The following SDK2 variants were observed in gnomAD, a reference collection of about 807,000 sequenced individuals.
SDK2 encodes the protein sidekick cell adhesion molecule 2, also known as protein sidekick-2.
A neutral mutation model predicts 253.9 loss-of-function variants in SDK2; 105 were observed. The ratio of observed to expected loss-of-function variants is 0.41; its 90% CI spans 0.35 to 0.49. The LOEUF is 0.49. SDK2 is among the 20% of genes least tolerant of loss of function. The pLI is 0.06. For synonymous variants in SDK2, 1,249 were observed against 1,234.9 expected, an observed-to-expected ratio of 1.01 and a Z score of -0.24; for missense variants, 2,608 against 3,003.0, an observed-to-expected ratio of 0.87 and a Z score of 3.07.
intron 6 of SDK2, among the ~76,000 whole-genome samples, chr17:73,440,160 T>G (rs918250635): frequency 6.7e-6 from 1 of 149,000 alleles, no homozygotes; most frequent in Non-Finnish European, 1.5e-5. Context: ...CAGGCTGGAG[T>G]GCAATGGTGC....
Position 73,388,796 on chromosome 17 carries a change from C to CTCTCCT in SDK2, c.4193-760_4193-759insAGGAGA, listed in dbSNP as rs1332809496. ...TCTCCTTCCTTCCTTCCTTCCCTCC[C>CTCTCCT]TCCTTCCTTCCTTCCCTCCCTCTCC... is the stretch of plus-strand genomic sequence containing the variant. On this transcript the variant is annotated intron_variant, in intron 29 of 44. Coordinates refer to ENST00000392650, the MANE Select transcript of SDK2 (RefSeq NM_001144952.2). 8.4e-5 allele frequency among the ~76,000 whole-genome samples: 5 copies of CTCTCCT among 59,610 alleles called. No homozygotes were observed. The East Asian group carries it at 2.8e-3, about 33-fold the overall frequency. 39.1% of individuals were successfully genotyped at this position (59,610 alleles called of 152,430 possible). A position where few individuals can be genotyped will look rare whatever the true frequency, so the allele number is the denominator to read the frequency against.
intron 1 of SDK2, among the ~76,000 whole-genome samples, chr17:73,599,795 C>T (rs2045811946): frequency 6.6e-6 from 1 of 152,190 alleles, no homozygotes; most frequent in African/African-American, 2.4e-5. Flanking sequence ...CCAGGCCCAA[C>T]CTGTTCCCCA....
chr17:73,627,320 C>T (rs893644063), intron 1 of SDK2, among the ~76,000 whole-genome samples: 9 of 151,696 alleles, frequency 5.9e-5, no homozygotes, highest in East Asian at 1.9e-4. Flanking sequence ...TCTTTCTTGG[C>T]GGCACATAAA....
chr17:73,480,903 T>C (rs2063718803), intron 2 of SDK2, among the ~76,000 whole-genome samples: 1 of 152,086 alleles, frequency 6.6e-6, no homozygotes, highest in Non-Finnish European at 1.5e-5. Flanking sequence ...GGAACAGCAA[T>C]GTCTGTTTTT....
At chr17:73,423,242 G>T in intron 14 of SDK2, 144 bp downstream of exon 14, 1 of 725,032 alleles carries the variant, frequency 1.4e-6, no homozygotes, top group Non-Finnish European at 2.0e-6. Flanking sequence ...TTCCTTCAGA[G>T]ATGGGAACGC....
At chr17:73,622,592 C>A (rs2046147180) in intron 1 of SDK2, among the ~76,000 whole-genome samples, 1 of 152,222 alleles carries the variant, frequency 6.6e-6, no homozygotes, top group African/African-American at 2.4e-5. Flanking sequence ...AATCCACCCA[C>A]TGCCTCACTT....
intron 15 of SDK2, among the ~76,000 whole-genome samples, chr17:73,420,482 C>G (rs1375637577): frequency 6.6e-6 from 1 of 151,650 alleles, no homozygotes; most frequent in Non-Finnish European, 1.5e-5. Context: ...GGGTGCCTGC[C>G]ACCAGGGCTG....
At position 73,422,187 on chromosome 17, in the gene SDK2, G is replaced by A. The variant is rs963260844; in HGVS notation, c.2045+100C>T. 6.7e-6 allele frequency: 9 copies of A among 1,342,078 alleles called. No individual in the cohort carries two copies. In the African/African-American group the frequency reaches 1.0e-4, roughly 15 times the overall value. 83.1% of individuals were successfully genotyped at this position (1,342,078 alleles called of 1,614,324 possible). A position where few individuals can be genotyped will look rare whatever the true frequency, so the allele number is the denominator to read the frequency against. On this transcript the variant is annotated intron_variant, in intron 15 of 44. Coordinates refer to ENST00000392650, the MANE Select transcript of SDK2 (RefSeq NM_001144952.2). ...CTACAGAGGCGGAAGCCTAGAGGGG[G>A]CCAGGAGGAGCTGAGCCAGAATCTG...
At chr17:73,631,128 GC>G (rs1211092436) in intron 1 of SDK2, among the ~76,000 whole-genome samples, 3 of 152,156 alleles carry the variant, frequency 2.0e-5, no homozygotes, top group Non-Finnish European at 4.4e-5. Flanking sequence ...AACACTGACA[GC>G]CGCGTATTTA....
At chr17:73,575,058 AGTGGGAGGCTG>A (rs2045439838) in intron 1 of SDK2, among the ~76,000 whole-genome samples, 1 of 152,164 alleles carries the variant, frequency 6.6e-6, no homozygotes, top group South Asian at 2.1e-4. Flanking sequence ...AGCCCCTGTT[AGTGGGAGGCTG>A]GGCTCTGCCT....
intron 1 of SDK2, among the ~76,000 whole-genome samples, chr17:73,607,236 C>T (rs2045918872): frequency 6.6e-6 from 1 of 152,320 alleles, no homozygotes; most frequent in Admixed American, 6.5e-5. Flanking sequence ...TCCTCACCAC[C>T]ACAGCCTTGC....
In SDK2 at chr17:73,643,844, C is replaced by T. The variant is rs901865584; in HGVS notation, c.64+181G>A. ...AGCCACAAGTCTCGGAGAGACTGCC[C>T]CACCCCCAAAAGAGCCCCAAAACTT... On this transcript the variant is annotated intron_variant, in intron 1 of 44. Coordinates refer to ENST00000392650, the MANE Select transcript of SDK2 (RefSeq NM_001144952.2). This position sits in a 1 kb window ranked among gnomAD's most constrained non-coding sequence, Gnocchi z 6.9. 6.6e-6 allele frequency among the ~76,000 whole-genome samples: 1 copy of T among 152,072 alleles called. No individual in the cohort carries two copies. Among genetic ancestry groups the T allele is most frequent in the Non-Finnish European group, 1.5e-5 (1 of 67,998 alleles).
At chr17:73,407,405 T>G (rs905278439) in intron 18 of SDK2, among the ~76,000 whole-genome samples, 2 of 152,094 alleles carry the variant, frequency 1.3e-5, no homozygotes, top group Non-Finnish European at 2.9e-5. Flanking sequence ...CAGTACCATT[T>G]AAGAAGCATA....
chr17:73,379,039 G>A lies in SDK2; in HGVS notation c.4980+138C>T. On this transcript the variant is annotated intron_variant, in intron 36 of 44. Coordinates refer to ENST00000392650, the MANE Select transcript of SDK2 (RefSeq NM_001144952.2). The surrounding 1 kb of genome is among the most constrained non-coding windows in gnomAD (Gnocchi z 4.5). ...CAGCCAAGGTGGCAGGTGTACCACA[G>A]AGCCTGAAGGGCCGAGGAGCTGGCT... 1.5e-6 allele frequency: 1 copy of A among 651,728 alleles called. No homozygotes were observed. Among genetic ancestry groups the A allele is most frequent in the Non-Finnish European group, 2.7e-6 (1 of 370,146 alleles). 40.4% of individuals were successfully genotyped at this position (651,728 alleles called of 1,614,324 possible). A position where few individuals can be genotyped will look rare whatever the true frequency, so the allele number is the denominator to read the frequency against.
At position 73,361,007 on chromosome 17, in the gene SDK2, G is replaced by A. The variant is rs2062635042; in HGVS notation, c.5467+677C>T. On this transcript the variant is annotated intron_variant, in intron 39 of 44. Coordinates refer to ENST00000392650, the MANE Select transcript of SDK2 (RefSeq NM_001144952.2). The surrounding 1 kb of genome is among the most constrained non-coding windows in gnomAD (Gnocchi z 4.1). Reference sequence around the variant, plus strand: ...AGGAGATTAAGGAAGACTTCCTGGGGTGAGGGGCGGGCAGTTACACACAAA... The same window carrying A: ...AGGAGATTAAGGAAGACTTCCTGGGATGAGGGGCGGGCAGTTACACACAAA... 6.6e-6 allele frequency among the ~76,000 whole-genome samples: 1 copy of A among 150,890 alleles called. No homozygotes were observed. Among genetic ancestry groups the A allele is most frequent in the South Asian group, 2.1e-4 (1 of 4,764 alleles).
chr17:73,472,196 G>T lies in SDK2; in HGVS notation c.247C>A (p.Arg83Ser), dbSNP rs180851428. Residue 83 changes from arginine to serine, a missense_variant, in exon 3 of 45, where the codon CGC becomes AGC. Arg to Ser is a moderately radical substitution (Grantham distance 110). Coordinates refer to ENST00000392650, the MANE Select transcript of SDK2 (RefSeq NM_001144952.2). ...EYRYMITSLD[R>S]THAGFYRCIV... The stretch of plus-strand genomic sequence containing the variant: ...CAACGGTAAAAGCCAGCGTGGGTGC[G>T]GTCCAGGCTGGTGATCATGTATCTA... The T allele has an allele frequency of 3.9e-6, 6 of 1,551,444 alleles. No homozygotes were observed. The highest frequency in any genetic ancestry group is 3.5e-6 in the Non-Finnish European group (4 of 1,146,872).
In SDK2 at chr17:73,552,887, C is replaced by T. The variant is rs1236566412; in HGVS notation, c.65-45290G>A. 3.9e-5 allele frequency among the ~76,000 whole-genome samples: 6 copies of T among 152,366 alleles called. No homozygotes were observed. The East Asian group carries it at 1.2e-3, about 29-fold the overall frequency. On this transcript the variant is annotated intron_variant, in intron 1 of 44. Coordinates refer to ENST00000392650, the MANE Select transcript of SDK2 (RefSeq NM_001144952.2). ...CAAGTTCTCAACTCGAGAGCCCTTG[C>T]CCTGAGCCTCTGGCTGGCGCTCAGA... is the stretch of plus-strand genomic sequence containing the variant.
intron 44 of SDK2, among the ~76,000 whole-genome samples, chr17:73,342,310 G>A (rs1354412197): frequency 6.6e-6 from 1 of 152,152 alleles, no homozygotes; most frequent in Non-Finnish European, 1.5e-5. Context: ...TCTGCCCCAT[G>A]ACGCAATGCA....
At chr17:73,631,420 C>T (rs760186478) in intron 1 of SDK2, among the ~76,000 whole-genome samples, 6 of 152,254 alleles carry the variant, frequency 3.9e-5, no homozygotes, top group Non-Finnish European at 8.8e-5. Context: ...ACCGAGCAAT[C>T]AGGTCTGAGC....
Sources: gnomAD v4.1 joint callset for allele counts (sites outside exome capture counted in the v4.1 genomes callset) on GRCh38, gnomAD v4.1.1 for gene constraint, Gnocchi (gnomAD v3.1) non-coding constraint, MANE v1.5 for transcripts, NCBI Gene and HGNC (gene_info 2026-07-23, HGNC 2026-07-21) for gene names.